ASTN2: variants seen among roughly 807,000 people sequenced by gnomAD.
ASTN2 encodes the protein astrotactin-2.
ASTN2 carries 54 observed loss-of-function variants against 139.8 expected under a neutral mutation model. The ratio of observed to expected loss-of-function variants is 0.39; its 90% CI spans 0.31 to 0.48. The LOEUF is 0.48. Ranked by LOEUF, ASTN2 falls within the 20% of genes least tolerant of loss-of-function variation. The pLI is 0.95. For synonymous variants in ASTN2, 756 were observed against 719.5 expected, an observed-to-expected ratio of 1.05 and a Z score of -0.81; for missense variants, 1,565 against 1,725.1, an observed-to-expected ratio of 0.91 and a Z score of 1.64.
chr9:116,801,786 C>T (rs1450381338), intron 13 of ASTN2, among the ~76,000 whole-genome samples: 3 of 151,854 alleles, frequency 2.0e-5, no homozygotes, highest in East Asian at 1.9e-4. Context: ...AAGCCAAGGA[C>T]GACAGAGCTT....
chr9:117,322,057 G>A lies in ASTN2; in HGVS notation c.443-30544C>T, dbSNP rs2900138. ...CCTGTGTATTCTGGTCCCTCTGTTTGGAATCTTCTCCCTCCCTCCCTCCCC... is the reference window on the plus strand; with the variant it reads ...CCTGTGTATTCTGGTCCCTCTGTTTAGAATCTTCTCCCTCCCTCCCTCCCC... On this transcript the variant is annotated intron_variant, in intron 1 of 22. Coordinates refer to ENST00000313400, the MANE Select transcript of ASTN2 (RefSeq NM_001365068.1). 0.011 allele frequency among the ~76,000 whole-genome samples: 1,704 copies of A among 152,126 alleles called. 72 individuals carry two copies. In the East Asian group the frequency reaches 0.13, roughly 11 times the overall value.
chr9:116,838,297 C>T (rs1212656248), intron 11 of ASTN2, among the ~76,000 whole-genome samples: 5 of 151,490 alleles, frequency 3.3e-5, no homozygotes, highest in East Asian at 1.9e-4. Context: ...TTAGTAGAGG[C>T]GGGGGTTTCT....
chr9:117,120,018 GTATATATATATATATATATA>G (rs200361826), intron 4 of ASTN2, among the ~76,000 whole-genome samples: 1 of 45,998 alleles, frequency 2.2e-5, no homozygotes, highest in Admixed American at 3.0e-4. Flanking sequence ...GTGTGTGTGT[GTATATATATATATATATATA>G]TATATATATA....
chr9:116,601,475 G>A (rs903732887), intron 19 of ASTN2, among the ~76,000 whole-genome samples: 5 of 152,098 alleles, frequency 3.3e-5, no homozygotes, highest in African/African-American at 9.7e-5. Flanking sequence ...GAAAGGGAGG[G>A]AAAAGTGGCT....
rs764290253 is a variant in ASTN2 at position 116,893,324 on chromosome 9, T to G, written c.1890-29591A>C. Among the ~76,000 whole-genome samples, 7 of 152,220 alleles carry G rather than the reference T, an allele frequency of 4.6e-5. 1 individual carries two copies. Among genetic ancestry groups the G allele is most frequent in the Non-Finnish European group, 8.8e-5 (6 of 68,034 alleles). Reference sequence around the variant, plus strand: ...CATGGCTATTTTGAAGTTGCCCAATTAAATGATCCAATCCCCTATTAGAGA... The same window carrying G: ...CATGGCTATTTTGAAGTTGCCCAATGAAATGATCCAATCCCCTATTAGAGA... On this transcript the variant is annotated intron_variant, in intron 10 of 22. Coordinates refer to ENST00000313400, the MANE Select transcript of ASTN2 (RefSeq NM_001365068.1).
At chr9:117,412,223 G>C (rs1404746148) in intron 1 of ASTN2, among the ~76,000 whole-genome samples, 1 of 152,044 alleles carries the variant, frequency 6.6e-6, no homozygotes, top group Non-Finnish European at 1.5e-5. Flanking sequence ...GCCAGCCCAG[G>C]GCGCTAGGGG....
Position 116,692,403 on chromosome 9 carries a change from T to C in ASTN2, c.2806+33368A>G, listed in dbSNP as rs139362681. 2.8e-3 allele frequency among the ~76,000 whole-genome samples: 426 copies of C among 152,344 alleles called. 3 individuals are homozygous for C. The highest frequency in any genetic ancestry group is 0.012 in the Admixed American group (178 of 15,300). ...CAGCAGTTGCTGCTACTGCTAATAA[T>C]AATAAAAACTATTATTTATGTATAG... is the stretch of plus-strand genomic sequence containing the variant. On this transcript the variant is annotated intron_variant, in intron 16 of 22. Transcript: ENST00000313400.
intron 4 of ASTN2, among the ~76,000 whole-genome samples, chr9:117,107,120 A>C (rs1181932900): frequency 6.6e-6 from 1 of 152,194 alleles, no homozygotes; most frequent in East Asian, 1.9e-4. Flanking sequence ...CATTCCATTA[A>C]GTATTCATCT....
At chr9:117,235,459 T>C (rs916267416) in intron 2 of ASTN2, among the ~76,000 whole-genome samples, 12 of 152,182 alleles carry the variant, frequency 7.9e-5, no homozygotes, top group African/African-American at 2.9e-4. Context: ...AGCCCTATTA[T>C]TAGAACCCAG....
intron 16 of ASTN2, among the ~76,000 whole-genome samples, chr9:116,712,285 AC>A (rs1309936294): frequency 1.3e-4 from 19 of 149,698 alleles, no homozygotes; most frequent in African/African-American, 4.2e-4. Context: ...TTTTGGATCC[AC>A]CTTAACTGTT....
At chr9:117,073,123 A>T (rs1441470233) in intron 5 of ASTN2, among the ~76,000 whole-genome samples, 1 of 152,194 alleles carries the variant, frequency 6.6e-6, no homozygotes, top group Non-Finnish European at 1.5e-5. Flanking sequence ...AAGACTGCCG[A>T]AATAAAAATG....
intron 11 of ASTN2, among the ~76,000 whole-genome samples, chr9:116,840,019 T>C (rs1588340703): frequency 6.7e-6 from 1 of 148,176 alleles, no homozygotes; most frequent in African/African-American, 2.5e-5. Flanking sequence ...CAGAGGACCC[T>C]GCAGCCTTCC....
At chr9:117,125,799 A>G (rs576653470) in intron 4 of ASTN2, among the ~76,000 whole-genome samples, 1 of 150,942 alleles carries the variant, frequency 6.6e-6, no homozygotes, top group South Asian at 2.1e-4. Context: ...AAGGATATAA[A>G]TGTGTCCCAA....
rs761684552 is a variant in ASTN2, at chr9:116,699,567, A to G, written c.2806+26204T>C. On this transcript the variant is annotated intron_variant, in intron 16 of 22. Transcript: ENST00000313400. The surrounding 1 kb of genome is among the most constrained non-coding windows in gnomAD (Gnocchi z 4.2). The stretch of plus-strand genomic sequence containing the variant: ...CCATTTTCCTAAGGGTGGGGGCTAT[A>G]GTGTCCTTATTCGAGAGGGACTTAC... The G allele has an allele frequency of 3.7e-6, 6 of 1,614,070 alleles. No individual in the cohort carries two copies. Among genetic ancestry groups the G allele is most frequent in the African/African-American group, 1.3e-5 (1 of 74,928 alleles).
chr9:116,891,806 G>C (rs560686869), intron 10 of ASTN2, among the ~76,000 whole-genome samples: 3 of 152,268 alleles, frequency 2.0e-5, no homozygotes, highest in African/African-American at 7.2e-5. Context: ...ACAGTCTCTG[G>C]AGCTAGACTG....
chr9:116,908,397 G>A (rs573828814), intron 10 of ASTN2, among the ~76,000 whole-genome samples: 1 of 109,500 alleles, frequency 9.1e-6, no homozygotes, highest in African/African-American at 2.8e-5. Flanking sequence ...ATTAAATGGA[G>A]TAATGATTTA....
At chr9:117,406,498 C>T (rs1267499371) in intron 1 of ASTN2, among the ~76,000 whole-genome samples, 1 of 152,110 alleles carries the variant, frequency 6.6e-6, no homozygotes, top group African/African-American at 2.4e-5. Context: ...TCCTCCACCA[C>T]CACTTGTTCA....
rs745970841 is a variant in ASTN2 at position 117,036,884 on chromosome 9, C to T, written c.1423+2935G>A. 4.6e-5 allele frequency among the ~76,000 whole-genome samples: 7 copies of T among 152,240 alleles called. No homozygotes were observed. The South Asian group carries it at 6.2e-4, about 14-fold the overall frequency. ...ACTGCTTGTTTCACAACAGTCCTTT[C>T]GGCATCTGCAGACAAATCCTGGGTA... On this transcript the variant is annotated intron_variant, in intron 6 of 22. Coordinates refer to ENST00000313400, the MANE Select transcript of ASTN2 (RefSeq NM_001365068.1).
At chr9:117,039,749 G>C (rs756542650) in intron 6 of ASTN2, 70 bp downstream of exon 6, 8 of 1,492,588 alleles carry the variant, frequency 5.4e-6, no homozygotes, top group Non-Finnish European at 7.2e-6. Context: ...GCCATACACA[G>C]AAACCTTTGA....
Sources: gnomAD v4.1 joint callset for allele counts (sites outside exome capture counted in the v4.1 genomes callset) on GRCh38, gnomAD v4.1.1 for gene constraint, Gnocchi (gnomAD v3.1) non-coding constraint, MANE v1.5 for transcripts, NCBI Gene and HGNC (gene_info 2026-07-23, HGNC 2026-07-21) for gene names.